The following MAP2 variants were observed in gnomAD, a reference collection of about 807,000 sequenced individuals.
MAP2 encodes the protein microtubule associated protein 2, also known as microtubule-associated protein 2.
Under a neutral mutation model 137.6 loss-of-function variants are expected in MAP2, and 14 were observed. That is an observed-to-expected ratio of 0.10 (90% CI 0.07 to 0.16). MAP2 has a LOEUF of 0.16. Ranked by LOEUF, MAP2 falls within the 10% of genes least tolerant of loss-of-function variation. The pLI, the probability that MAP2 is intolerant of heterozygous loss-of-function variation, is 1.00. For synonymous variants in MAP2, 786 were observed against 782.3 expected (o/e 1.00, Z -0.08); for missense variants, 2,088 against 2,191.5 (o/e 0.95, Z 0.94).
chr2:209,567,224 A>G (rs2073631022), intron 2 of MAP2, among the ~76,000 whole-genome samples: 1 of 152,146 alleles, frequency 6.6e-6, no homozygotes, highest in Non-Finnish European at 1.5e-5. Flanking sequence ...CATTGTACCC[A>G]GTGTAAAAGG....
chr2:209,586,864 T>A (rs1206873209), intron 3 of MAP2, among the ~76,000 whole-genome samples: 1 of 152,156 alleles, frequency 6.6e-6, no homozygotes, highest in East Asian at 1.9e-4. Flanking sequence ...GAGTGGTTGG[T>A]GAGCAAGTCT....
chr2:209,695,485 T>G lies in MAP2; in HGVS notation c.3315T>G (p.Val1105=), dbSNP rs766173551. The G allele has an allele frequency of 6.8e-6, 11 of 1,614,010 alleles. No individual in the cohort carries two copies. The highest frequency in any genetic ancestry group is 3.4e-6 in the Non-Finnish European group (4 of 1,180,004). Residue 1105 remains valine, a synonymous_variant, in exon 8 of 16, where the codon GTT becomes GTG. Coordinates refer to ENST00000682079, the MANE Select transcript of MAP2 (RefSeq NM_001375505.1). ...GCCACATGAAAGAAGGCACTAAAGTTAGTGAGACAGAAGTCAAAGAGAAGG... is the reference window on the plus strand; with the variant it reads ...GCCACATGAAAGAAGGCACTAAAGTGAGTGAGACAGAAGTCAAAGAGAAGG... ...ESGHMKEGTK[V]SETEVKEKVA... is the part of the protein sequence containing the mutation.
intron 2 of MAP2, among the ~76,000 whole-genome samples, chr2:209,561,483 G>C (rs563690050): frequency 7.2e-5 from 11 of 152,292 alleles, no homozygotes; most frequent in African/African-American, 2.6e-4. Flanking sequence ...TTTGTCCTTG[G>C]AGAAGTTATT....
chr2:209,604,827 C>A (rs2084139589), intron 3 of MAP2, among the ~76,000 whole-genome samples: 1 of 152,116 alleles, frequency 6.6e-6, no homozygotes, highest in Non-Finnish European at 1.5e-5. Flanking sequence ...ACAGGAAAGA[C>A]AAAGTGTTAG....
At chr2:209,699,640 T>C (rs1387770899) in intron 10 of MAP2, among the ~76,000 whole-genome samples, 1 of 152,182 alleles carries the variant, frequency 6.6e-6, no homozygotes, top group Non-Finnish European at 1.5e-5. Context: ...ACATGTTCTG[T>C]ATTTACTGAA....
chr2:209,532,074 A>G (rs909078960), intron 2 of MAP2, among the ~76,000 whole-genome samples: 4 of 151,888 alleles, frequency 2.6e-5, no homozygotes, highest in African/African-American at 9.7e-5. Flanking sequence ...CCTCATCTCT[A>G]CAAAAACTAA....
In MAP2 at chr2:209,695,931, C is replaced by G; in HGVS notation, c.3761C>G (p.Thr1254Ser). ...GATAAACTGCTCTTCCGCTCAGACA[C>G]CCTTCAGATAACTGACCTGGGTGTC... ...EYDKLLFRSD[T>S]LQITDLGVSG... The change falls in exon 8 of 16, where the codon ACC becomes AGC. Residue 1254 changes from threonine (T) to serine (S), a missense_variant. Physicochemically the swap from Thr to Ser is moderately conservative, Grantham distance 58 (BLOSUM62 1). Around this residue, in one of 6 missense-constraint regions of MAP2, gnomAD observed 591 missense variants for 642.6 expected, o/e 0.92. Coordinates refer to ENST00000682079, the MANE Select transcript of MAP2 (RefSeq NM_001375505.1). 6.2e-7 allele frequency: 1 copy of G among 1,614,050 alleles called. No homozygotes were observed. The highest frequency in any genetic ancestry group is 2.2e-5 in the East Asian group (1 of 44,862).
At chr2:209,565,313 G>A (rs1010876047) in intron 2 of MAP2, among the ~76,000 whole-genome samples, 3 of 152,030 alleles carry the variant, frequency 2.0e-5, no homozygotes, top group Non-Finnish European at 4.4e-5. Context: ...AACCTTTTGG[G>A]TTTAAGCAAT....
At chr2:209,666,125 A>G (rs2046200311) in intron 5 of MAP2, among the ~76,000 whole-genome samples, 2 of 152,152 alleles carry the variant, frequency 1.3e-5, no homozygotes, top group South Asian at 4.1e-4. Context: ...AGCTTGAAAA[A>G]TAGAATTTGT....
intron 13 of MAP2, among the ~76,000 whole-genome samples, chr2:209,719,778 A>G (rs1418723576): frequency 6.6e-6 from 1 of 152,240 alleles, no homozygotes; most frequent in African/African-American, 2.4e-5. Flanking sequence ...AAATTAAAAT[A>G]AAGCAATTCT....
intron 3 of MAP2, among the ~76,000 whole-genome samples, chr2:209,595,776 TA>T (rs2153447694): frequency 6.6e-6 from 1 of 152,184 alleles, no homozygotes; most frequent in East Asian, 1.9e-4. Context: ...TATGCAGCCA[TA>T]AAAAAGGATG....
At chr2:209,513,477 A>G (rs1410004908) in intron 2 of MAP2, among the ~76,000 whole-genome samples, 2 of 152,200 alleles carry the variant, frequency 1.3e-5, no homozygotes, top group East Asian at 1.9e-4. Context: ...CATTCATTAT[A>G]TAACAAACAA....
intron 3 of MAP2, among the ~76,000 whole-genome samples, chr2:209,593,635 ATAT>A (rs1162668551): frequency 0.021 from 494 of 24,018 alleles, 52 homozygotes; most frequent in African/African-American, 0.042. Flanking sequence ...AAAAAAAAAA[ATAT>A]ATATATATAT....
chr2:209,603,295 T>C (rs1364444568), intron 3 of MAP2, among the ~76,000 whole-genome samples: 1 of 152,170 alleles, frequency 6.6e-6, no homozygotes, highest in Non-Finnish European at 1.5e-5. Context: ...CTACCTACCA[T>C]GTTTCCCACG....
chr2:209,437,053 T>C (rs1696480682), intron 1 of MAP2, among the ~76,000 whole-genome samples: 1 of 151,708 alleles, frequency 6.6e-6, no homozygotes, highest in South Asian at 2.1e-4. Flanking sequence ...TATTGTACTA[T>C]CAAATTAGGA....
chr2:209,425,825 T>A (rs1024251494), intron 1 of MAP2, among the ~76,000 whole-genome samples: 1 of 152,244 alleles, frequency 6.6e-6, no homozygotes, highest in African/African-American at 2.4e-5. Flanking sequence ...CCCTTTAGAA[T>A]GCTTTTAATT....
intron 1 of MAP2, among the ~76,000 whole-genome samples, chr2:209,480,672 G>A (rs1708508532): frequency 1.3e-5 from 2 of 152,134 alleles, no homozygotes; most frequent in Admixed American, 6.6e-5. Flanking sequence ...AATAAGATTT[G>A]ATATCAGTAT....
intron 2 of MAP2, among the ~76,000 whole-genome samples, chr2:209,530,987 G>C (rs999284357): frequency 6.6e-6 from 1 of 152,104 alleles, no homozygotes; most frequent in Non-Finnish European, 1.5e-5. Context: ...TTTAGCTGCT[G>C]ATTGAATGAA....
intron 2 of MAP2, among the ~76,000 whole-genome samples, chr2:209,538,226 T>C (rs1351620482): frequency 6.6e-6 from 1 of 152,124 alleles, no homozygotes; most frequent in Non-Finnish European, 1.5e-5. Flanking sequence ...TATGATATAA[T>C]GAAATAAATG....
Sources: gnomAD v4.1 joint callset for allele counts (sites outside exome capture counted in the v4.1 genomes callset) on GRCh38, gnomAD v4.1.1 for gene constraint, gnomAD v4.1.1 regional missense constraint, MANE v1.5 for transcripts, NCBI Gene and HGNC (gene_info 2026-07-23, HGNC 2026-07-21) for gene names.